Variants in CFAP47 observed in about 807,000 individuals in gnomAD.
CFAP47 encodes the protein cilia- and flagella-associated protein 47.
In CFAP47, 29 loss-of-function variants were observed where a neutral mutation model predicts 148.1. The ratio of observed to expected loss-of-function variants is 0.20; its 90% CI spans 0.15 to 0.27. The LOEUF (loss-of-function observed/expected upper bound fraction) is 0.27. Ranked by LOEUF, CFAP47 falls within the 10% of genes least tolerant of loss-of-function variation. CFAP47 has a pLI of 1.00. For missense variants in CFAP47, 1,872 were observed against 1,697.5 expected, an observed-to-expected ratio of 1.10 and a Z score of -1.81; for synonymous variants, 664 against 577.3, an observed-to-expected ratio of 1.15 and a Z score of -2.15.
intron 39 of CFAP47, among the ~76,000 whole-genome samples, chrX:36,176,022 A>G (rs1037047635): frequency 4.5e-5 from 5 of 111,643 alleles, no homozygotes; most frequent in Non-Finnish European, 7.5e-5. Context: ...TTTTAAGCCC[A>G]TCGGAAAAGC....
At chrX:36,256,153 C>T (rs1940749006) in intron 49 of CFAP47, among the ~76,000 whole-genome samples, 1 of 112,052 alleles carries the variant, frequency 8.9e-6, no homozygotes, top group South Asian at 3.6e-4. Flanking sequence ...ACTGTAGACA[C>T]AGAGTAATGG....
chrX:36,113,504 C>G (rs900673056), intron 33 of CFAP47, among the ~76,000 whole-genome samples: 3 of 111,180 alleles, frequency 2.7e-5, no homozygotes, highest in Non-Finnish European at 3.8e-5. Flanking sequence ...ACCTTTCTCA[C>G]TAGCTGCCTT....
At chrX:36,067,927 A>C (rs895268996) in intron 27 of CFAP47, among the ~76,000 whole-genome samples, 1 of 111,257 alleles carries the variant, frequency 9.0e-6, no homozygotes, top group African/African-American at 3.3e-5. Context: ...CTGGGATTAC[A>C]GGCGTGAGCC....
intron 62 of CFAP47, among the ~76,000 whole-genome samples, chrX:36,371,986 ATATGTATGTGTATATATGTGTGTATC>A: frequency 9.7e-6 from 1 of 103,065 alleles, no homozygotes; most frequent in African/African-American, 3.5e-5. Flanking sequence ...GTGTGTGTAT[ATATGTATGTGTATATATGTGTGTATC>A]TATGTGTATA....
chrX:36,207,866 A>G (rs1555988979), intron 45 of CFAP47, among the ~76,000 whole-genome samples: 2 of 111,615 alleles, frequency 1.8e-5, no homozygotes, highest in African/African-American at 6.5e-5. Context: ...CAATTATCCA[A>G]ATCACTTCCC....
At chrX:36,277,096 T>A (rs1210621748) in intron 49 of CFAP47, among the ~76,000 whole-genome samples, 2 of 111,968 alleles carry the variant, frequency 1.8e-5, no homozygotes, top group African/African-American at 6.5e-5. Context: ...TACAGTATAT[T>A]CTTATTCTGA....
At chrX:36,302,369 G>A (rs1556007977) in intron 53 of CFAP47, among the ~76,000 whole-genome samples, 1 of 110,674 alleles carries the variant, frequency 9.0e-6, no homozygotes, top group East Asian at 2.8e-4. Context: ...ACAAGAAAAT[G>A]GTGCTTTATT....
chrX:36,335,124 T>C (rs1248127930), intron 57 of CFAP47, among the ~76,000 whole-genome samples: 1 of 111,179 alleles, frequency 9.0e-6, no homozygotes, highest in Non-Finnish European at 1.9e-5. Flanking sequence ...AATCTGTAAA[T>C]TTTACATGTC....
chrX:35,952,504 A>G (rs1246023586), intron 6 of CFAP47, among the ~76,000 whole-genome samples: 4 of 112,137 alleles, frequency 3.6e-5, no homozygotes, highest in African/African-American at 1.3e-4. Context: ...TTTGAAGAGC[A>G]TGCTGTTTTA....
chrX:36,154,771 C>T (rs956678831), intron 37 of CFAP47, among the ~76,000 whole-genome samples: 6 of 109,202 alleles, frequency 5.5e-5, no homozygotes, highest in African/African-American at 2.0e-4. Context: ...ACCATAATCA[C>T]CCTTTATGGC....
chrX:36,123,285 C>G (rs1938777663), intron 33 of CFAP47, among the ~76,000 whole-genome samples: 1 of 112,063 alleles, frequency 8.9e-6, no homozygotes, highest in Admixed American at 9.4e-5. Flanking sequence ...TAACCACTCC[C>G]TAGCTACTGC....
chrX:36,045,869 T>C (rs751415303), intron 25 of CFAP47, among the ~76,000 whole-genome samples: 4 of 111,938 alleles, frequency 3.6e-5, no homozygotes, highest in Non-Finnish European at 5.6e-5. Context: ...AAATATGGTA[T>C]AATGAAATGA....
chrX:36,162,305 C>T (rs1337837576), intron 39 of CFAP47, among the ~76,000 whole-genome samples: 2 of 110,951 alleles, frequency 1.8e-5, no homozygotes, highest in Admixed American at 9.6e-5. Context: ...CAAATAAACT[C>T]AAAAATATAA....
Position 36,223,972 on chromosome X carries a change from C to T in CFAP47, c.6818-4656C>T, listed in dbSNP as rs187517312. On this transcript the variant is annotated intron_variant, in intron 45 of 63. Coordinates refer to ENST00000378653, the MANE Select transcript of CFAP47 (RefSeq NM_001304548.2). Reference sequence around the variant, plus strand: ...AATATACCCATGTAAAAATTCAATACATGTACCTCCCTGTATCTAAAATAA... The same window carrying T: ...AATATACCCATGTAAAAATTCAATATATGTACCTCCCTGTATCTAAAATAA... Among the ~76,000 whole-genome samples the T allele has an allele frequency of 5.4e-3, 598 of 110,938 alleles. 1 individual carries two copies. The highest frequency in any genetic ancestry group is 0.019 in the African/African-American group (568 of 30,582).
At chrX:35,953,172 C>G (rs1936192719) in intron 6 of CFAP47, among the ~76,000 whole-genome samples, 1 of 112,145 alleles carries the variant, frequency 8.9e-6, no homozygotes, top group Non-Finnish European at 1.9e-5. Context: ...GCAATATGCA[C>G]TTAGTACATT....
intron 22 of CFAP47, among the ~76,000 whole-genome samples, chrX:36,024,619 G>A (rs972340408): frequency 5.4e-5 from 6 of 111,319 alleles, no homozygotes; most frequent in African/African-American, 1.3e-4. Context: ...CTCAGTTTTC[G>A]ACTACTGGGA....
chrX:36,080,133 C>T (rs1465058283), intron 29 of CFAP47, among the ~76,000 whole-genome samples: 1 of 111,595 alleles, frequency 9.0e-6, no homozygotes, highest in Non-Finnish European at 1.9e-5. Context: ...TATGAGGAGA[C>T]GATTTTCAAA....
intron 48 of CFAP47, among the ~76,000 whole-genome samples, chrX:36,239,556 G>C (rs899514576): frequency 4.5e-5 from 5 of 112,018 alleles, no homozygotes; most frequent in Admixed American, 2.9e-4. Flanking sequence ...ATCATTATTT[G>C]ACTTGTCTCA....
intron 26 of CFAP47, among the ~76,000 whole-genome samples, chrX:36,049,066 A>G (rs1937499984): frequency 9.0e-6 from 1 of 111,702 alleles, no homozygotes; most frequent in South Asian, 3.7e-4. Flanking sequence ...TTGAACAAAT[A>G]CAGGAAGCAT....
Sources: gnomAD v4.1 joint callset for allele counts (sites outside exome capture counted in the v4.1 genomes callset) on GRCh38, gnomAD v4.1.1 for gene constraint, MANE v1.5 for transcripts, NCBI Gene and HGNC (gene_info 2026-07-23, HGNC 2026-07-21) for gene names.